SREK1IP1: variants seen among roughly 807,000 people sequenced by gnomAD.
SREK1IP1 encodes the protein SREK1 interacting protein 1, also known as protein SREK1IP1.
A neutral mutation model predicts 22.8 loss-of-function variants in SREK1IP1; 12 were observed. The observed-to-expected ratio is 0.53, with a 90% CI of 0.34 to 0.85. The LOEUF (loss-of-function observed/expected upper bound fraction) is 0.85, where lower values mean the gene tolerates loss of function less well. SREK1IP1 is among the 40% of genes least tolerant of loss of function. SREK1IP1 has a pLI of 0.02. For synonymous variants in SREK1IP1, 53 were observed against 52.7 expected (o/e 1.01, Z -0.02); for missense variants, 147 against 171.8 (o/e 0.86, Z 0.81).
chr5:64,747,833 C>G (rs1742666657), intron 2 of SREK1IP1, among the ~76,000 whole-genome samples: 1 of 151,902 alleles, frequency 6.6e-6, no homozygotes, highest in Non-Finnish European at 1.5e-5. Context: ...GAGGCTGAAG[C>G]AAGAGAATTG....
chr5:64,741,179 C>A lies in SREK1IP1; in HGVS notation c.83G>T (p.Cys28Phe). The A allele has an allele frequency of 6.2e-7, 1 of 1,610,710 alleles. No individual in the cohort carries two copies. The highest frequency in any genetic ancestry group is 8.5e-7 in the Non-Finnish European group (1 of 1,178,258). The change falls in exon 3 of 5, where the codon TGC becomes TTC. Residue 28 changes from cysteine (C) to phenylalanine (F), a missense_variant. Cys to Phe is a radical substitution (Grantham distance 205, BLOSUM62 -2). This residue lies in a region of SREK1IP1 where 62 missense variants were observed against 73.3 expected (regional missense o/e 0.85). Transcript: ENST00000513458. Reference protein sequence around the residue: ...CGYPGHLTFECRNFLRVDPKR... With the variant: ...CGYPGHLTFEFRNFLRVDPKR... Reference sequence around the variant, plus strand: ...AGGGTCTACTCGGAGAAAATTGCGGCATTCAAAAGTCAGGTGACCAGCTAA... The same window carrying A: ...AGGGTCTACTCGGAGAAAATTGCGGAATTCAAAAGTCAGGTGACCAGCTAA...
intron 2 of SREK1IP1, among the ~76,000 whole-genome samples, chr5:64,742,235 C>T (rs983414233): frequency 4.0e-5 from 6 of 151,876 alleles, no homozygotes; most frequent in African/African-American, 1.2e-4. Context: ...TTGATAGAAA[C>T]GTAGGTTGCT....
intron 1 of SREK1IP1, among the ~76,000 whole-genome samples, chr5:64,759,410 T>C (rs1191994695): frequency 2.0e-5 from 3 of 152,170 alleles, no homozygotes; most frequent in African/African-American, 7.2e-5. Flanking sequence ...TCCATTCCTT[T>C]TTGAAGTTTG....
chr5:64,740,932 A>G, intron 3 of SREK1IP1, 125 bp downstream of exon 3: 2 of 849,854 alleles, frequency 2.4e-6, no homozygotes, highest in South Asian at 3.9e-5. Context: ...TTTAAAACCT[A>G]TTTCCTATGC....
intron 2 of SREK1IP1, among the ~76,000 whole-genome samples, chr5:64,746,195 C>G (rs1307909441): frequency 6.6e-6 from 1 of 152,084 alleles, no homozygotes; most frequent in Non-Finnish European, 1.5e-5. Flanking sequence ...GACCCCTCAC[C>G]TCAGACTATA....
intron 1 of SREK1IP1, among the ~76,000 whole-genome samples, chr5:64,755,920 A>G (rs1580556037): frequency 1.3e-5 from 2 of 152,100 alleles, no homozygotes; most frequent in African/African-American, 2.4e-5. Context: ...AAAAATATCT[A>G]ATTTCTTATA....
chr5:64,766,893 T>C (rs1375785220), intron 1 of SREK1IP1, among the ~76,000 whole-genome samples: 1 of 152,246 alleles, frequency 6.6e-6, no homozygotes, highest in African/African-American at 2.4e-5. Context: ...ATCTGACATA[T>C]TTGACTTATA....
intron 2 of SREK1IP1, among the ~76,000 whole-genome samples, chr5:64,750,350 A>T (rs1050411415): frequency 6.6e-6 from 1 of 151,986 alleles, no homozygotes; most frequent in Admixed American, 6.6e-5. Context: ...CCAGTCTCAA[A>T]TCTCTTATTA....
At chr5:64,727,294 C>T (rs149230308) in intron 4 of SREK1IP1, among the ~76,000 whole-genome samples, 4 of 140,638 alleles carry the variant, frequency 2.8e-5, no homozygotes, top group East Asian at 3.9e-4. Flanking sequence ...TGAAACTGCA[C>T]GCATTAACAA....
chr5:64,746,075 C>T lies in SREK1IP1; in HGVS notation c.62-4875G>A, dbSNP rs867896221. ...AAGTCCAGAAATAAACCCACATATA[C>T]ATAGCGAACTGAGTTTTAGCAAGAG... On this transcript the variant is annotated intron_variant, in intron 2 of 4. Coordinates refer to ENST00000513458, the MANE Select transcript of SREK1IP1 (RefSeq NM_173829.4). Among the ~76,000 whole-genome samples, 48 of 152,202 alleles carry T rather than the reference C, an allele frequency of 3.2e-4. 1 individual carries two copies. The highest frequency in any genetic ancestry group is 9.2e-4 in the African/African-American group (38 of 41,460).
At chr5:64,731,573 G>A (rs886242499) in intron 3 of SREK1IP1, among the ~76,000 whole-genome samples, 5 of 150,362 alleles carry the variant, frequency 3.3e-5, no homozygotes, top group African/African-American at 1.2e-4. Context: ...GTGAGGAATG[G>A]CCTGAACTAG....
At chr5:64,750,161 G>A (rs1010154220) in intron 2 of SREK1IP1, among the ~76,000 whole-genome samples, 3 of 151,748 alleles carry the variant, frequency 2.0e-5, no homozygotes, top group African/African-American at 7.3e-5. Context: ...TAGATTCCAT[G>A]GTCACACTAT....
rs916257445 is a variant in SREK1IP1 at position 64,718,561 on chromosome 5, G to A, written c.*5823C>T. The stretch of plus-strand genomic sequence containing the variant: ...GTATAATCTGTACAATAAATATTTT[G>A]TTTCAAGAGATAAGCATAACAAAAA... On this transcript the variant is annotated 3_prime_UTR_variant, in exon 5 of 5. Transcript: ENST00000513458. 1.3e-5 allele frequency: 2 copies of A among 152,038 alleles called. No individual in the cohort carries two copies. The highest frequency in any genetic ancestry group is 1.3e-4 in the Admixed American group (2 of 15,252). 9.4% of individuals were successfully genotyped at this position (152,038 alleles called of 1,614,324 possible). A position where few individuals can be genotyped will look rare whatever the true frequency, so the allele number is the denominator to read the frequency against.
At chr5:64,753,057 A>G (rs1742776296) in intron 2 of SREK1IP1, among the ~76,000 whole-genome samples, 1 of 152,222 alleles carries the variant, frequency 6.6e-6, no homozygotes, top group Non-Finnish European at 1.5e-5. Context: ...TACTGCAGAT[A>G]CTTCCATTGT....
At chr5:64,729,309 T>C (rs1742333429) in intron 3 of SREK1IP1, among the ~76,000 whole-genome samples, 1 of 152,180 alleles carries the variant, frequency 6.6e-6, no homozygotes, top group African/African-American at 2.4e-5. Flanking sequence ...CAGGCAAAGA[T>C]AGCATTCTAA....
intron 2 of SREK1IP1, among the ~76,000 whole-genome samples, chr5:64,749,430 T>C (rs1006748167): frequency 5.4e-5 from 8 of 148,990 alleles, no homozygotes; most frequent in Non-Finnish European, 8.8e-5. Flanking sequence ...ATATTCTTTC[T>C]TGAAGTCTTT....
chr5:64,730,216 C>T (rs910458867), intron 3 of SREK1IP1, among the ~76,000 whole-genome samples: 1 of 151,844 alleles, frequency 6.6e-6, no homozygotes, highest in African/African-American at 2.4e-5. Flanking sequence ...TCAAATAGTA[C>T]CTAAAGGCCA....
intron 2 of SREK1IP1, among the ~76,000 whole-genome samples, chr5:64,742,892 T>C (rs1742573565): frequency 1.3e-5 from 2 of 152,198 alleles, no homozygotes; most frequent in African/African-American, 2.4e-5. Context: ...GTCTGCCATA[T>C]TATTGGAACA....
intron 2 of SREK1IP1, among the ~76,000 whole-genome samples, chr5:64,746,538 T>A (rs1018284654): frequency 6.6e-6 from 1 of 152,156 alleles, no homozygotes; most frequent in African/African-American, 2.4e-5. Flanking sequence ...TGAATAGACA[T>A]TTGTCTATAG....
Sources: gnomAD v4.1 joint callset for allele counts (sites outside exome capture counted in the v4.1 genomes callset) on GRCh38, gnomAD v4.1.1 for gene constraint, gnomAD v4.1.1 regional missense constraint, MANE v1.5 for transcripts, NCBI Gene and HGNC (gene_info 2026-07-23, HGNC 2026-07-21) for gene names.